Variants in PWWP2A observed in about 807,000 individuals in gnomAD.
PWWP2A encodes PWWP domain-containing protein 2A.
In PWWP2A, 18 loss-of-function variants were observed where a neutral mutation model predicts 48.5. The observed-to-expected ratio is 0.37, with a 90% CI of 0.26 to 0.55. The LOEUF (loss-of-function observed/expected upper bound fraction) is 0.55, where lower values mean the gene tolerates loss of function less well. Among genes scored for constraint, PWWP2A ranks in the 20% least tolerant of loss-of-function variants. PWWP2A has a pLI of 0.81. For missense variants in PWWP2A, 867 were observed against 976.4 expected, an observed-to-expected ratio of 0.89 and a Z score of 1.49; for synonymous variants, 396 against 387.7, an observed-to-expected ratio of 1.02 and a Z score of -0.25.
intron 1 of PWWP2A, among the ~76,000 whole-genome samples, chr5:160,104,226 C>T (rs1422023333): frequency 6.6e-6 from 1 of 151,342 alleles, no homozygotes; most frequent in Non-Finnish European, 1.5e-5. Context: ...GAGGTTGAGG[C>T]CAGGAATTTT....
Position 160,119,009 on chromosome 5 carries a change from G to A in PWWP2A, c.380C>T (p.Pro127Leu), listed in dbSNP as rs372558800. 14 of 1,599,208 alleles carry A rather than the reference G, an allele frequency of 8.8e-6. No individual in the cohort carries two copies. The African/African-American group carries it at 1.8e-4, about 20-fold the overall frequency. Residue 127 changes from proline to leucine, a missense_variant, in exon 1 of 2, where the codon CCC (proline) becomes CTC (leucine). By Grantham distance (98) the Pro-to-Leu change is moderately conservative. Around this residue, in one of 4 missense-constraint regions of PWWP2A, gnomAD observed 385 missense variants for 396.9 expected, o/e 0.97. Transcript: ENST00000307063. ...CAGCGGCGGCTCCTCGCGCTCCTCGGGAGCCGGGGGCTGCTCCGGCGGCGA... is the reference window on the plus strand; with the variant it reads ...CAGCGGCGGCTCCTCGCGCTCCTCGAGAGCCGGGGGCTGCTCCGGCGGCGA... ...PASPPEQPPA[P>L]EEREEPPLPQ...
chr5:160,110,693 C>A (rs192889933), intron 1 of PWWP2A, among the ~76,000 whole-genome samples: 1 of 151,004 alleles, frequency 6.6e-6, no homozygotes, highest in Non-Finnish European at 1.5e-5. Context: ...GCAACAAGAG[C>A]GAAACTCCAC....
At chr5:160,103,582 T>C (rs1581238681) in intron 1 of PWWP2A, among the ~76,000 whole-genome samples, 3 of 152,164 alleles carry the variant, frequency 2.0e-5, no homozygotes, top group South Asian at 4.2e-4. Context: ...GATCAGGAAA[T>C]GGGCTTTGCA....
chr5:160,099,768 C>G (rs547138731), intron 1 of PWWP2A, among the ~76,000 whole-genome samples: 1 of 151,850 alleles, frequency 6.6e-6, no homozygotes, highest in African/African-American at 2.4e-5. Flanking sequence ...ACCTCCACCT[C>G]CCAGGTTCAA....
intron 3 of PWWP2A, chr5:160,080,542 GA>G: frequency 9.2e-7 from 1 of 1,083,724 alleles, no homozygotes; most frequent in South Asian, 3.8e-5. Flanking sequence ...GAAAACTAAA[GA>G]AAAAGAACTA....
chr5:160,058,135 G>A (rs1277326408), downstream of PWWP2A, among the ~76,000 whole-genome samples: 1 of 152,194 alleles, frequency 6.6e-6, no homozygotes, highest in Non-Finnish European at 1.5e-5. Context: ...ACCAGGAGGA[G>A]ATTCCATCTC....
At chr5:160,057,561 A>G (rs1394987613), downstream of PWWP2A, among the ~76,000 whole-genome samples, 1 of 152,178 alleles carries the variant, frequency 6.6e-6, no homozygotes, top group Non-Finnish European at 1.5e-5. The surrounding 1 kb of genome is among the most constrained non-coding windows in gnomAD (Gnocchi z 4.4). Context: ...GTTGCTAAAC[A>G]TTGGGGTGTC....
the PWWP2A span, among the ~76,000 whole-genome samples, chr5:160,046,826 T>C: frequency 1.5e-3 from 226 of 152,134 alleles, no homozygotes; most frequent in African/African-American, 5.3e-3. Context: ...AGCCTGATCA[T>C]TATGGTGAAA....
the PWWP2A span, among the ~76,000 whole-genome samples, chr5:160,053,364 C>G: frequency 6.6e-6 from 1 of 151,928 alleles, no homozygotes; most frequent in Non-Finnish European, 1.5e-5. Context: ...AGGCTGAGCC[C>G]GAGTTCAAGA....
chr5:160,090,888 T>TA (rs1330592820), downstream of PWWP2A: 1 of 984,566 alleles, frequency 1.0e-6, no homozygotes, highest in Non-Finnish European at 1.2e-6. Context: ...AATACAAAGC[T>TA]AAAAATGGAA....
rs189671674 is a variant in PWWP2A, at chr5:160,065,211, C to G, written c.*236+1337G>C. ...AGTAGAGCCCAGTGCTCCCTTGTCC[C>G]TCTTTTATGATCAGGGTGAAATGTA... is the stretch of plus-strand genomic sequence containing the variant. On this transcript the variant is annotated intron_variant and NMD_transcript_variant, in intron 4 of 5. Transcript: ENST00000524050. 5,986 of 1,107,468 alleles carry G rather than the reference C, an allele frequency of 5.4e-3. 26 individuals are homozygous for G. Among genetic ancestry groups the G allele is most frequent in the Non-Finnish European group, 6.6e-3 (5,002 of 757,842 alleles). 68.6% of individuals were successfully genotyped at this position (1,107,468 alleles called of 1,614,324 possible). A position where few individuals can be genotyped will look rare whatever the true frequency, so the allele number is the denominator to read the frequency against.
At chr5:160,045,549 CT>C in the PWWP2A span, among the ~76,000 whole-genome samples, 18 of 145,732 alleles carry the variant, frequency 1.2e-4, no homozygotes, top group Middle Eastern at 3.6e-3. Context: ...CTCTCTCTCT[CT>C]CTCCCCCTCC....
intron 4 of PWWP2A, chr5:160,064,979 T>A: frequency 6.2e-7 from 1 of 1,614,060 alleles, no homozygotes; most frequent in Non-Finnish European, 8.5e-7. Context: ...TTTTGGGCTC[T>A]CCACGGAAAA....
At chr5:160,076,371 A>T (rs1013096890) in exon 4 of PWWP2A, 3 of 152,168 alleles carry the variant, frequency 2.0e-5, no homozygotes, top group Non-Finnish European at 2.9e-5. Context: ...TGAGCCCGAA[A>T]GTACTGCTGG....
intron 1 of PWWP2A, among the ~76,000 whole-genome samples, chr5:160,096,391 C>T (rs1420134804): frequency 6.6e-6 from 1 of 152,118 alleles, no homozygotes; most frequent in Non-Finnish European, 1.5e-5. Context: ...AGCATTTAAC[C>T]CTTTCTTACA....
chr5:160,118,465 A>G (rs892947939), intron 1 of PWWP2A, among the ~76,000 whole-genome samples: 2 of 122,562 alleles, frequency 1.6e-5, no homozygotes, highest in African/African-American at 3.2e-5. Context: ...GCAAAAATCC[A>G]TCTGCATCTT....
At chr5:160,069,572 A>C (rs1170032294) in intron 2 of PWWP2A, among the ~76,000 whole-genome samples, 1 of 152,044 alleles carries the variant, frequency 6.6e-6, no homozygotes, top group Non-Finnish European at 1.5e-5. Flanking sequence ...TCAAAACAAC[A>C]TTCTGTAGGC....
chr5:160,046,023 G>A, the PWWP2A span, among the ~76,000 whole-genome samples: 1 of 152,196 alleles, frequency 6.6e-6, no homozygotes, highest in Non-Finnish European at 1.5e-5. Flanking sequence ...TTACAGGCAT[G>A]AGCCACTGCC....
chr5:160,051,776 G>C, the PWWP2A span, among the ~76,000 whole-genome samples: 1 of 152,212 alleles, frequency 6.6e-6, no homozygotes, highest in Non-Finnish European at 1.5e-5. Context: ...ATCTGCTTAA[G>C]TAAGAGGAGT....
Sources: gnomAD v4.1 joint callset for allele counts (sites outside exome capture counted in the v4.1 genomes callset) on GRCh38, gnomAD v4.1.1 for gene constraint, gnomAD v4.1.1 regional missense constraint, Gnocchi (gnomAD v3.1) non-coding constraint, MANE v1.5 for transcripts, NCBI Gene and HGNC (gene_info 2026-07-23, HGNC 2026-07-21) for gene names.